Variants in CD247 observed in about 807,000 individuals in gnomAD.
The protein encoded by CD247 is CD247 molecule.
A neutral mutation model predicts 30.0 loss-of-function variants in CD247; 13 were observed. That is an observed-to-expected ratio of 0.43 (90% confidence interval 0.28 to 0.69). The LOEUF (loss-of-function observed/expected upper bound fraction) is 0.69, where lower values mean the gene tolerates loss of function less well. Among genes scored for constraint, CD247 ranks in the 30% least tolerant of loss-of-function variants. The pLI, the probability that CD247 is intolerant of heterozygous loss-of-function variation, is 0.16. For synonymous variants in CD247, 72 were observed against 80.0 expected, an observed-to-expected ratio of 0.90 and a Z score of 0.53; for missense variants, 193 against 212.6, an observed-to-expected ratio of 0.91 and a Z score of 0.57.
At chr1:167,502,741 G>C (rs1352415773) in intron 1 of CD247, among the ~76,000 whole-genome samples, 1 of 152,158 alleles carries the variant, frequency 6.6e-6, no homozygotes, top group African/African-American at 2.4e-5. Context: ...TGGACACAGA[G>C]ACAGCCATGC....
intron 1 of CD247, among the ~76,000 whole-genome samples, chr1:167,447,145 C>T (rs1465965156): frequency 6.6e-6 from 1 of 152,208 alleles, no homozygotes; most frequent in Non-Finnish European, 1.5e-5. Flanking sequence ...GAGCTCTTTG[C>T]ACTTGCATGA....
chr1:167,444,796 T>C (rs748769480), intron 1 of CD247, among the ~76,000 whole-genome samples: 1 of 152,230 alleles, frequency 6.6e-6, no homozygotes, highest in Non-Finnish European at 1.5e-5. Flanking sequence ...AAATTAAAGC[T>C]TTGGTCCTTC....
In CD247 at chr1:167,477,911, G is replaced by A. The variant is rs1653817287; in HGVS notation, c.59-37144C>T. Among the ~76,000 whole-genome samples the A allele has an allele frequency of 4.6e-5, 7 of 152,204 alleles. No individual in the cohort carries two copies. In the South Asian group the frequency reaches 1.4e-3, roughly 32 times the overall value. On this transcript the variant is annotated intron_variant, in intron 1 of 7. Coordinates refer to ENST00000362089, the MANE Select transcript of CD247 (RefSeq NM_198053.3). ...ATGGAGAAATGCTGGTGCTGATGGG[G>A]CAGTTGCTGGCCCTGCTGCCAATCC...
chr1:167,462,236 C>A (rs1558009075), intron 1 of CD247, among the ~76,000 whole-genome samples: 1 of 152,194 alleles, frequency 6.6e-6, no homozygotes, highest in Non-Finnish European at 1.5e-5. Context: ...AGGACATGGA[C>A]CAAGTTGGGA....
intron 1 of CD247, among the ~76,000 whole-genome samples, chr1:167,472,374 A>C (rs549071099): frequency 4.6e-5 from 7 of 152,300 alleles, no homozygotes; most frequent in African/African-American, 1.7e-4. Context: ...CGCTCACAAT[A>C]AAAAAATTAG....
chr1:167,438,002 A>G (rs758973294), intron 4 of CD247, among the ~76,000 whole-genome samples: 2 of 149,264 alleles, frequency 1.3e-5, no homozygotes, highest in Non-Finnish European at 2.9e-5. Flanking sequence ...ATTTGTCAAT[A>G]TAAAATAAAT....
rs114679271 is a variant in CD247, at chr1:167,487,498, G to C, written c.58+30910C>G. ...CCCACACTGCCAGGGAGCAGGTACA[G>C]GCAAGTCCCAGGACCCACTGGCAGC... On this transcript the variant is annotated intron_variant, in intron 1 of 7. Transcript: ENST00000362089. Among the ~76,000 whole-genome samples, 383 of 152,330 alleles carry C rather than the reference G, an allele frequency of 2.5e-3. 3 individuals are homozygous for C. The highest frequency in any genetic ancestry group is 8.6e-3 in the African/African-American group (358 of 41,564).
intron 1 of CD247, among the ~76,000 whole-genome samples, chr1:167,446,969 T>G (rs1652112765): frequency 1.3e-5 from 2 of 152,156 alleles, no homozygotes; most frequent in South Asian, 4.1e-4. Flanking sequence ...CACTCCAGCC[T>G]GGACAACAGA....
chr1:167,438,122 C>A (rs1180322546), intron 4 of CD247, among the ~76,000 whole-genome samples: 1 of 152,062 alleles, frequency 6.6e-6, no homozygotes, highest in African/African-American at 2.4e-5. Flanking sequence ...GCTCCCCTAC[C>A]CACAGGTATA....
chr1:167,454,215 TA>T (rs1346124210), intron 1 of CD247, among the ~76,000 whole-genome samples: 1 of 152,170 alleles, frequency 6.6e-6, no homozygotes, highest in Non-Finnish European at 1.5e-5. Context: ...AAAAACACGT[TA>T]AAAATATATG....
intron 1 of CD247, among the ~76,000 whole-genome samples, chr1:167,464,669 G>A (rs1416896512): frequency 6.6e-6 from 1 of 152,216 alleles, no homozygotes; most frequent in Non-Finnish European, 1.5e-5. Context: ...GGGAAACAGG[G>A]TGAGTAGAAG....
intron 1 of CD247, among the ~76,000 whole-genome samples, chr1:167,469,191 C>T (rs12037875): frequency 0.03 from 4,596 of 152,190 alleles, 151 homozygotes; most frequent in East Asian, 0.17. Flanking sequence ...CCATGTTGGC[C>T]AGGCTGGTCT....
intron 1 of CD247, among the ~76,000 whole-genome samples, chr1:167,491,358 CG>C (rs1198170363): frequency 5.3e-5 from 8 of 152,142 alleles, no homozygotes; most frequent in African/African-American, 1.9e-4. Context: ...CACCTGAGGT[CG>C]GGAGTTCGAG....
chr1:167,448,969 G>A (rs1009662695), intron 1 of CD247, among the ~76,000 whole-genome samples: 2 of 152,076 alleles, frequency 1.3e-5, no homozygotes, highest in Admixed American at 6.5e-5. Context: ...TGGATCATTT[G>A]TTCAAAACTA....
chr1:167,439,476 G>A, intron 2 of CD247, 76 bp from the exon 3 acceptor site: 2 of 1,278,604 alleles, frequency 1.6e-6, no homozygotes, highest in Non-Finnish European at 2.3e-6. Context: ...GGCGCGCGGC[G>A]ACCCGAGGGA....
At chr1:167,490,447 AC>A (rs1654400140) in intron 1 of CD247, among the ~76,000 whole-genome samples, 1 of 151,832 alleles carries the variant, frequency 6.6e-6, no homozygotes, top group Non-Finnish European at 1.5e-5. Flanking sequence ...ACATGGTGAA[AC>A]CCCATCTCTA....
intron 1 of CD247, among the ~76,000 whole-genome samples, chr1:167,506,892 ATTTTT>A (rs10587631): frequency 2.0e-5 from 2 of 97,982 alleles, no homozygotes. Context: ...GTTCCCTCTG[ATTTTT>A]TTTTTTTTTT....
At chr1:167,442,220 A>G (rs1651874704) in intron 1 of CD247, among the ~76,000 whole-genome samples, 1 of 152,168 alleles carries the variant, frequency 6.6e-6, no homozygotes, top group African/African-American at 2.4e-5. Flanking sequence ...ACGTGCAGCA[A>G]CTCAACCTGT....
rs577604614 is a variant in CD247 at position 167,498,117 on chromosome 1, C to T, written c.58+20291G>A. Among the ~76,000 whole-genome samples, 278 of 152,264 alleles carry T rather than the reference C, an allele frequency of 1.8e-3. 1 individual carries two copies. The highest frequency in any genetic ancestry group is 6.3e-3 in the African/African-American group (263 of 41,548). Reference sequence around the variant, plus strand: ...GCCAGTCCTGTTCTGTTGTGTCTCCCCCAGTCCTGGCCAAAGGCAGTGGCT... The same window carrying T: ...GCCAGTCCTGTTCTGTTGTGTCTCCTCCAGTCCTGGCCAAAGGCAGTGGCT... On this transcript the variant is annotated intron_variant, in intron 1 of 7. Coordinates refer to ENST00000362089, the MANE Select transcript of CD247 (RefSeq NM_198053.3).
Sources: gnomAD v4.1 joint callset for allele counts (sites outside exome capture counted in the v4.1 genomes callset) on GRCh38, gnomAD v4.1.1 for gene constraint, MANE v1.5 for transcripts, NCBI Gene and HGNC (gene_info 2026-07-23, HGNC 2026-07-21) for gene names.